The following RMDN2 variants were observed in gnomAD, a reference collection of about 807,000 sequenced individuals.
RMDN2 encodes regulator of microtubule dynamics protein 2.
A neutral mutation model predicts 52.8 loss-of-function variants in RMDN2; 61 were observed. That is an observed-to-expected ratio of 1.16 (90% CI 0.94 to 1.43). RMDN2 has a LOEUF of 1.43. Among genes scored for constraint, RMDN2 ranks in the 40% most tolerant of loss-of-function variants. The pLI is 0.00. For synonymous variants in RMDN2, 180 were observed against 153.1 expected (o/e 1.18, Z -1.30); for missense variants, 592 against 475.3 (o/e 1.25, Z -2.28).
chr2:37,929,103 A>G (rs1013497780), intron 1 of RMDN2, among the ~76,000 whole-genome samples, 159 bp from the exon 2 acceptor site: 5 of 152,220 alleles, frequency 3.3e-5, no homozygotes, highest in African/African-American at 9.7e-5. Flanking sequence ...TTACAACAGT[A>G]TACTTCCATT....
At chr2:37,976,181 A>T (rs1181832029) in intron 4 of RMDN2, 1 of 152,232 alleles carries the variant, frequency 6.6e-6, no homozygotes, top group African/African-American at 2.4e-5. Context: ...TTGGTTCATT[A>T]TTCTGACATC....
upstream of RMDN2, among the ~76,000 whole-genome samples, chr2:37,921,487 G>C (rs1666030461): frequency 1.3e-5 from 2 of 152,190 alleles, no homozygotes; most frequent in African/African-American, 4.8e-5. Context: ...GTGGATTAGA[G>C]GTTGTGGTAA....
At chr2:37,981,448 C>A in intron 5 of RMDN2, 105 bp downstream of exon 5, 1 of 729,414 alleles carries the variant, frequency 1.4e-6, no homozygotes, top group Non-Finnish European at 2.4e-6. Context: ...ATCTGTCAGT[C>A]ACATTCACTG....
Position 38,004,145 on chromosome 2 carries a change from G to A in RMDN2, c.1108G>A (p.Asp370Asn), listed in dbSNP as rs1676737288. 2 of 1,613,564 alleles carry A rather than the reference G, an allele frequency of 1.2e-6. No individual in the cohort carries two copies. Among genetic ancestry groups the A allele is most frequent in the African/African-American group, 1.3e-5 (1 of 75,018 alleles). ...NYMYLAKCYT[D>N]LEENQNALKF... is the part of the protein sequence containing the mutation. ...TATTTCTCATTTCCAGTGTTATACT[G>A]ATCTTGAGGAAAACCAGAATGCTTT... Residue 370 changes from aspartate (D) to asparagine (N), a missense_variant, in exon 10 of 11, where the codon GAT becomes AAT. Physicochemically the swap from Asp to Asn is conservative, Grantham distance 23. Transcript: ENST00000354545.
At chr2:38,002,595 T>C (rs954045062) in intron 8 of RMDN2, among the ~76,000 whole-genome samples, 21 of 152,226 alleles carry the variant, frequency 1.4e-4, no homozygotes, top group Non-Finnish European at 1.5e-4. Flanking sequence ...ATCTGTAAAT[T>C]ATATATATGT....
chr2:38,058,410 CCTTGGAAGGGAAGG>C (rs72517381), intron 10 of RMDN2, among the ~76,000 whole-genome samples: 7,922 of 78,592 alleles, frequency 0.1, 699 homozygotes, highest in African/African-American at 0.22. Flanking sequence ...TAATTCCCAG[CCTTGGAAGGGAAGG>C]CTTGGAGAAG....
chr2:38,037,391 G>T (rs771133325), intron 10 of RMDN2, among the ~76,000 whole-genome samples: 1 of 152,184 alleles, frequency 6.6e-6, no homozygotes, highest in Non-Finnish European at 1.5e-5. Flanking sequence ...CCACATAGAA[G>T]AACTTGGTGA....
chr2:37,959,218 G>C (rs1669872961), intron 2 of RMDN2, among the ~76,000 whole-genome samples: 1 of 151,186 alleles, frequency 6.6e-6, no homozygotes, highest in African/African-American at 2.5e-5. Flanking sequence ...AATAGCTTCA[G>C]AAGGAATGGT....
chr2:38,049,788 C>T (rs528643725), intron 10 of RMDN2, among the ~76,000 whole-genome samples: 4 of 152,068 alleles, frequency 2.6e-5, no homozygotes, highest in South Asian at 2.1e-4. Flanking sequence ...AGACTGGTCT[C>T]GAACTCCTGG....
intron 7 of RMDN2, 49 bp from the exon 8 acceptor site, chr2:37,997,367 T>C: frequency 8.5e-7 from 1 of 1,176,122 alleles, no homozygotes; most frequent in Non-Finnish European, 1.3e-6. Flanking sequence ...AGATAATCCA[T>C]TCAAAAGGTG....
At chr2:37,944,532 T>C (rs1383052763) in intron 2 of RMDN2, among the ~76,000 whole-genome samples, 2 of 152,166 alleles carry the variant, frequency 1.3e-5, no homozygotes, top group African/African-American at 4.8e-5. Flanking sequence ...AAAATACATT[T>C]AATAGTAGCC....
At chr2:37,930,142 G>C (rs1012002433) in intron 2 of RMDN2, among the ~76,000 whole-genome samples, 3 of 152,184 alleles carry the variant, frequency 2.0e-5, no homozygotes, top group Non-Finnish European at 4.4e-5. Flanking sequence ...GCCCCCTCTG[G>C]CCACAAAGCA....
intron 10 of RMDN2, among the ~76,000 whole-genome samples, chr2:38,040,581 G>A (rs929128627): frequency 6.6e-6 from 1 of 152,196 alleles, no homozygotes; most frequent in African/African-American, 2.4e-5. Context: ...ATAAATTTAT[G>A]TTGTTTATAA....
downstream of RMDN2, among the ~76,000 whole-genome samples, chr2:38,020,829 C>G (rs113916565): frequency 0.019 from 2,912 of 152,224 alleles, 110 homozygotes; most frequent in African/African-American, 0.066. Flanking sequence ...GGAGCCTCCC[C>G]CACGAGCGCC....
intron 10 of RMDN2, among the ~76,000 whole-genome samples, chr2:38,056,297 C>T (rs1236597101): frequency 6.6e-6 from 1 of 152,166 alleles, no homozygotes; most frequent in Non-Finnish European, 1.5e-5. Context: ...GGAGCCTTTC[C>T]TAACCCTCAT....
chr2:37,958,142 T>C (rs192294017), intron 2 of RMDN2, among the ~76,000 whole-genome samples: 1 of 152,214 alleles, frequency 6.6e-6, no homozygotes, highest in East Asian at 1.9e-4. Flanking sequence ...TTTTTTGGTT[T>C]CATATGAAGT....
chr2:37,924,724 G>GT (rs1666138790), upstream of RMDN2, among the ~76,000 whole-genome samples: 6 of 152,184 alleles, frequency 3.9e-5, no homozygotes, highest in Admixed American at 3.3e-4. Context: ...ACAGAAAGCT[G>GT]GGTAAAACCT....
intron 10 of RMDN2, among the ~76,000 whole-genome samples, chr2:38,034,412 C>T (rs534742276): frequency 2.0e-5 from 3 of 152,262 alleles, no homozygotes; most frequent in Non-Finnish European, 4.4e-5. Context: ...TAGAAGAAGA[C>T]ATTCAGAGGG....
intron 4 of RMDN2, among the ~76,000 whole-genome samples, chr2:37,979,047 T>A (rs1460630546): frequency 6.6e-6 from 1 of 151,978 alleles, no homozygotes; most frequent in Non-Finnish European, 1.5e-5. Context: ...AGCATAGAAT[T>A]GAAATAGGAT....
Sources: allele counts gnomAD v4.1 joint callset (sites outside exome capture counted in the v4.1 genomes callset), GRCh38; gene constraint gnomAD v4.1.1; transcripts MANE v1.5; gene names NCBI Gene and HGNC (gene_info 2026-07-23, HGNC 2026-07-21).